The following ERCC6L2 variants were observed in gnomAD, a reference collection of about 807,000 sequenced individuals.
ERCC6L2 encodes the protein ERCC excision repair 6 like 2, also known as DNA excision repair protein ERCC-6-like 2.
A neutral mutation model predicts 132.0 loss-of-function variants in ERCC6L2; 77 were observed. That is an observed-to-expected ratio of 0.58 (90% CI 0.49 to 0.71). The LOEUF (loss-of-function observed/expected upper bound fraction) is 0.71. ERCC6L2 is among the 30% of genes least tolerant of loss of function. ERCC6L2 has a pLI of 0.00. For missense variants in ERCC6L2, 1,542 were observed against 1,837.6 expected, an observed-to-expected ratio of 0.84 and a Z score of 2.94; for synonymous variants, 583 against 632.4, an observed-to-expected ratio of 0.92 and a Z score of 1.17.
At chr9:95,887,449 C>T (rs1371958675) in intron 2 of ERCC6L2, among the ~76,000 whole-genome samples, 1 of 152,024 alleles carries the variant, frequency 6.6e-6, no homozygotes, top group Non-Finnish European at 1.5e-5. Flanking sequence ...TTACAGACAC[C>T]AAAATCTTAA....
Position 95,916,211 on chromosome 9 carries a change from T to C in ERCC6L2, c.951-16T>C. The C allele has an allele frequency of 6.2e-7, 1 of 1,611,040 alleles. No individual in the cohort carries two copies. The highest frequency in any genetic ancestry group is 8.5e-7 in the Non-Finnish European group (1 of 1,177,566). ...GATAATAAAGCCCTTACATTTTTCT[T>C]ATTGTCTTTATAAAGGGCTGTGCCA... On this transcript the variant is annotated splice_polypyrimidine_tract_variant and intron_variant, in intron 5 of 18. Coordinates refer to ENST00000653738, the MANE Select transcript of ERCC6L2 (RefSeq NM_020207.7).
At chr9:95,891,744 A>G (rs375414550) in intron 2 of ERCC6L2, among the ~76,000 whole-genome samples, 16 of 152,070 alleles carry the variant, frequency 1.1e-4, no homozygotes, top group Non-Finnish European at 8.8e-5. Context: ...CCATCCTACT[A>G]TGTGTTAAGT....
chr9:95,997,887 C>T (rs115781611), intron 17 of ERCC6L2, among the ~76,000 whole-genome samples: 22 of 152,308 alleles, frequency 1.4e-4, no homozygotes, highest in African/African-American at 5.3e-4. Context: ...TTATAATTGT[C>T]ACTACAATAG....
At chr9:95,931,959 A>AT (rs1830359578) in intron 11 of ERCC6L2, among the ~76,000 whole-genome samples, 1 of 151,446 alleles carries the variant, frequency 6.6e-6, no homozygotes, top group African/African-American at 2.4e-5. Context: ...AGACTTTCAA[A>AT]CTTTCAAACT....
Position 95,922,378 on chromosome 9 carries a change from A to C in ERCC6L2, c.1373A>C (p.His458Pro), listed in dbSNP as rs375051537. 1.2e-6 allele frequency: 2 copies of C among 1,613,478 alleles called. No homozygotes were observed. The highest frequency in any genetic ancestry group is 1.1e-5 in the South Asian group (1 of 91,038). ...ACAGTCCTTCAGAAGGTAGCTAACC[A>C]TGTCGCGCTACTGCAAGCTGCTAGT... ...YLTVLQKVAN[H>P]VALLQAASTS... The change falls in exon 8 of 19, where the codon CAT becomes CCT. Residue 458 changes from histidine (H) to proline (P), a missense_variant. By Grantham distance (77) the His-to-Pro change is moderately conservative. This residue lies in a region of ERCC6L2 where 945 missense variants were observed against 1,105.2 expected (regional missense o/e 0.86). Transcript: ENST00000653738.
At chr9:95,942,491 G>A (rs1830852297) in intron 12 of ERCC6L2, among the ~76,000 whole-genome samples, 1 of 151,402 alleles carries the variant, frequency 6.6e-6, no homozygotes, top group South Asian at 2.1e-4. Context: ...CTCAGTAGAA[G>A]GTCTGGGAAA....
intron 12 of ERCC6L2, among the ~76,000 whole-genome samples, chr9:95,950,023 A>G (rs1831256905): frequency 6.6e-6 from 1 of 152,094 alleles, no homozygotes; most frequent in Non-Finnish European, 1.5e-5. Flanking sequence ...TCAAAAAAAA[A>G]AAAAAAAATC....
At chr9:95,893,455 G>A (rs185341554) in intron 2 of ERCC6L2, among the ~76,000 whole-genome samples, 5 of 152,168 alleles carry the variant, frequency 3.3e-5, no homozygotes, top group Middle Eastern at 3.4e-3. Context: ...TCAAAGTTAC[G>A]CTGAACTCAT....
intron 12 of ERCC6L2, among the ~76,000 whole-genome samples, chr9:95,947,078 T>C (rs1831099562): frequency 6.6e-6 from 1 of 152,192 alleles, no homozygotes; most frequent in Non-Finnish European, 1.5e-5. Context: ...TGCATGTCTC[T>C]CACTTTACAT....
chr9:96,026,343 G>A (rs1260049794), intron 19 of ERCC6L2, among the ~76,000 whole-genome samples: 2 of 152,166 alleles, frequency 1.3e-5, no homozygotes, highest in Non-Finnish European at 2.9e-5. Context: ...GAGCTCGCTG[G>A]CCCGCAGAAG....
At chr9:96,003,616 G>GGGTGCTATAGACTATAGCACCCACAT (rs1211428408) in intron 17 of ERCC6L2, among the ~76,000 whole-genome samples, 42 of 152,200 alleles carry the variant, frequency 2.8e-4, no homozygotes, top group African/African-American at 6.3e-4. Context: ...ATTTCCACAT[G>GGGTGCTATAGACTATAGCACCCACAT]GGTGCTATAG....
intron 17 of ERCC6L2, among the ~76,000 whole-genome samples, chr9:95,992,757 C>T (rs1833346129): frequency 6.6e-6 from 1 of 152,152 alleles, no homozygotes; most frequent in Non-Finnish European, 1.5e-5. Context: ...GGTGGAGGGA[C>T]ATGAGGAGCC....
At chr9:95,885,523 A>G (rs1279223499) in intron 2 of ERCC6L2, among the ~76,000 whole-genome samples, 2 of 152,238 alleles carry the variant, frequency 1.3e-5, no homozygotes, top group East Asian at 3.9e-4. Context: ...ATCTCCCAAT[A>G]TTTCACAGAA....
intron 2 of ERCC6L2, among the ~76,000 whole-genome samples, chr9:95,885,191 G>C (rs1348099409): frequency 6.6e-6 from 1 of 152,014 alleles, no homozygotes; most frequent in Non-Finnish European, 1.5e-5. Context: ...TAAAAGAATG[G>C]TACAATGAAA....
At chr9:95,969,673 A>G (rs983027486) in intron 14 of ERCC6L2, among the ~76,000 whole-genome samples, 1 of 152,168 alleles carries the variant, frequency 6.6e-6, no homozygotes, top group South Asian at 2.1e-4. Flanking sequence ...TAGCCTGGGA[A>G]TGAGGCTTCC....
chr9:95,914,356 T>C (rs1473293730), intron 4 of ERCC6L2, among the ~76,000 whole-genome samples: 2 of 152,244 alleles, frequency 1.3e-5, no homozygotes, highest in African/African-American at 4.8e-5. Context: ...TGTTGAGTTA[T>C]AATAATTTTT....
rs1224658906 is a variant in ERCC6L2 at position 96,012,439 on chromosome 9, T to C, written c.3889T>C (p.Ser1297Pro). ...EKGEQRTRKK[S>P]DKRESLIKPR... Reference sequence around the variant, plus strand: ...AGGAGAGCAGCGCACCCGGAAGAAATCTGATAAAAGAGAATCTCTTATAAA... The same window carrying C: ...AGGAGAGCAGCGCACCCGGAAGAAACCTGATAAAAGAGAATCTCTTATAAA... Residue 1297 changes from serine (S) to proline (P), a missense_variant, in exon 19 of 19, where the codon TCT becomes CCT. Ser to Pro is a moderately conservative substitution (Grantham distance 74). Around this residue, in one of 4 missense-constraint regions of ERCC6L2, gnomAD observed 442 missense variants for 583.4 expected, o/e 0.76. Coordinates refer to ENST00000653738, the MANE Select transcript of ERCC6L2 (RefSeq NM_020207.7). 7.3e-7 allele frequency: 1 copy of C among 1,364,662 alleles called. No homozygotes were observed. Among genetic ancestry groups the C allele is most frequent in the African/African-American group, 1.5e-5 (1 of 67,618 alleles). The allele number at this position is 1,364,662 out of a possible 1,614,324, so 84.5% of individuals were successfully genotyped here. A position where few individuals can be genotyped will look rare whatever the true frequency, so the allele number is the denominator to read the frequency against.
intron 17 of ERCC6L2, among the ~76,000 whole-genome samples, chr9:95,994,841 T>G (rs1833419948): frequency 6.6e-6 from 1 of 152,230 alleles, no homozygotes; most frequent in Non-Finnish European, 1.5e-5. Context: ...TTTGCCTCAT[T>G]TGTTACAGTG....
In ERCC6L2 at chr9:95,994,537, C is replaced by T. The variant is rs112176084; in HGVS notation, c.3493-9983C>T. On this transcript the variant is annotated intron_variant, in intron 17 of 18. Transcript: ENST00000653738. ...AGTAGATAGATCCATTCCACACTTG[C>T]TTAATAAAAGATTTCACTACTTCCT... 6.7e-3 allele frequency among the ~76,000 whole-genome samples: 1,025 copies of T among 152,290 alleles called. 16 individuals carry two copies. Among genetic ancestry groups the T allele is most frequent in the African/African-American group, 0.024 (993 of 41,550 alleles).
Sources: gnomAD v4.1 joint callset for allele counts (sites outside exome capture counted in the v4.1 genomes callset) on GRCh38, gnomAD v4.1.1 for gene constraint, gnomAD v4.1.1 regional missense constraint, MANE v1.5 for transcripts, NCBI Gene and HGNC (gene_info 2026-07-23, HGNC 2026-07-21) for gene names.